The following PTPRD variants were observed in gnomAD, a reference collection of about 807,000 sequenced individuals.
The protein encoded by PTPRD is protein tyrosine phosphatase receptor type D.
PTPRD carries 34 observed loss-of-function variants against 214.5 expected under a neutral mutation model. The observed-to-expected ratio is 0.16, with a 90% confidence interval of 0.12 to 0.21. The LOEUF (loss-of-function observed/expected upper bound fraction) is 0.21. PTPRD is among the 10% of genes least tolerant of loss of function. The pLI, the probability that PTPRD is intolerant of heterozygous loss-of-function variation, is 1.00. For synonymous variants in PTPRD, 1,128 were observed against 845.7 expected (o/e 1.33, Z -5.79); for missense variants, 2,545 against 2,398.7 (o/e 1.06, Z -1.27).
intron 3 of PTPRD, among the ~76,000 whole-genome samples, chr9:10,052,680 C>G (rs1049427637): frequency 6.6e-6 from 1 of 152,100 alleles, no homozygotes; most frequent in Non-Finnish European, 1.5e-5. Context: ...GATCCAGGCT[C>G]AAACATGAGT....
In PTPRD at chr9:9,184,912, G is replaced by A. The variant is rs188064221; in HGVS notation, c.-202-1549C>T. Among the ~76,000 whole-genome samples the A allele has an allele frequency of 4.6e-5, 7 of 152,146 alleles. No individual in the cohort carries two copies. In the East Asian group the frequency reaches 1.4e-3, roughly 30 times the overall value. On this transcript the variant is annotated intron_variant, in intron 9 of 45. Transcript: ENST00000381196. ...GGGAACATAAGGCTTCATTTAGCACGGGTTCCAAAATATCCTTTGGTAAAT... is the reference window on the plus strand; with the variant it reads ...GGGAACATAAGGCTTCATTTAGCACAGGTTCCAAAATATCCTTTGGTAAAT...
chr9:8,378,756 A>G (rs1004093408), intron 37 of PTPRD, among the ~76,000 whole-genome samples: 1 of 152,128 alleles, frequency 6.6e-6, no homozygotes, highest in Non-Finnish European at 1.5e-5. Context: ...CAAATTCAAT[A>G]TAATTATATT....
At chr9:10,364,563 T>C (rs1400323254) in intron 2 of PTPRD, among the ~76,000 whole-genome samples, 2 of 152,198 alleles carry the variant, frequency 1.3e-5, no homozygotes, top group African/African-American at 4.8e-5. Context: ...TAGAAAAATA[T>C]ATTTGAAATT....
intron 6 of PTPRD, among the ~76,000 whole-genome samples, chr9:9,735,311 C>G (rs1449852450): frequency 6.6e-6 from 1 of 152,104 alleles, no homozygotes; most frequent in Non-Finnish European, 1.5e-5. Flanking sequence ...TATTGAACTT[C>G]TAACCATTAT....
At chr9:9,059,025 G>A (rs1393948076) in intron 10 of PTPRD, among the ~76,000 whole-genome samples, 2 of 152,054 alleles carry the variant, frequency 1.3e-5, no homozygotes, top group Non-Finnish European at 2.9e-5. Context: ...AACAGGGTAG[G>A]TCTTATACTT....
intron 39 of PTPRD, 60 bp from the exon 40 acceptor site, chr9:8,342,038 A>G: frequency 5.5e-6 from 8 of 1,455,120 alleles, no homozygotes; most frequent in Non-Finnish European, 7.3e-6. Flanking sequence ...AATACATAAT[A>G]AAAGTATTTT....
At chr9:10,594,172 C>T (rs922927922) in intron 2 of PTPRD, among the ~76,000 whole-genome samples, 2 of 151,958 alleles carry the variant, frequency 1.3e-5, no homozygotes, top group Admixed American at 1.3e-4. Flanking sequence ...ATTACATAAT[C>T]TACTTTACTA....
At chr9:9,978,507 G>A (rs760204843) in intron 4 of PTPRD, among the ~76,000 whole-genome samples, 3 of 151,686 alleles carry the variant, frequency 2.0e-5, no homozygotes, top group Admixed American at 6.6e-5. Context: ...ACTGAAACAC[G>A]GAAATAAATG....
intron 8 of PTPRD, among the ~76,000 whole-genome samples, chr9:9,441,027 G>C (rs1454135894): frequency 6.6e-6 from 1 of 152,192 alleles, no homozygotes; most frequent in African/African-American, 2.4e-5. Flanking sequence ...TGTCCTGTGA[G>C]ACTTCCCCTC....
chr9:9,403,952 G>A (rs1375370253), intron 8 of PTPRD, among the ~76,000 whole-genome samples: 1 of 152,054 alleles, frequency 6.6e-6, no homozygotes, highest in African/African-American at 2.4e-5. Context: ...GGATGGGCAG[G>A]CCTGAGCAAC....
rs911822939 is a variant in PTPRD at position 8,609,519 on chromosome 9, T to C, written c.352+23798A>G. Among the ~76,000 whole-genome samples, 2 of 152,218 alleles carry C rather than the reference T, an allele frequency of 1.3e-5. 1 individual carries two copies. The highest frequency in any genetic ancestry group is 2.9e-5 in the Non-Finnish European group (2 of 68,038). On this transcript the variant is annotated intron_variant, in intron 14 of 45. Transcript: ENST00000381196. ...TATGTAACTGGATGCCTGAATCAGG[T>C]GGATGTGCATTCCACGGAAGCTTGT... is the stretch of plus-strand genomic sequence containing the variant.
intron 11 of PTPRD, among the ~76,000 whole-genome samples, chr9:8,852,204 G>C (rs1008484600): frequency 1.3e-5 from 2 of 152,136 alleles, no homozygotes; most frequent in Admixed American, 1.3e-4. Flanking sequence ...TCTCAATTTA[G>C]TTAGCTACTG....
At chr9:10,015,125 T>C (rs1286357438) in intron 4 of PTPRD, among the ~76,000 whole-genome samples, 2 of 152,162 alleles carry the variant, frequency 1.3e-5, no homozygotes, top group African/African-American at 4.8e-5. Context: ...TTTACTTTTA[T>C]GGCTTTCAGT....
intron 3 of PTPRD, among the ~76,000 whole-genome samples, chr9:10,119,692 G>C (rs1227944045): frequency 1.3e-5 from 2 of 151,950 alleles, no homozygotes; most frequent in African/African-American, 4.8e-5. Flanking sequence ...TTTAAAAGTA[G>C]ATGCAAAACT....
intron 9 of PTPRD, among the ~76,000 whole-genome samples, chr9:9,383,132 C>T (rs1474807813): frequency 6.6e-6 from 1 of 151,844 alleles, no homozygotes; most frequent in Non-Finnish European, 1.5e-5. Context: ...TTTATGAAAT[C>T]CTACCATTTT....
intron 9 of PTPRD, among the ~76,000 whole-genome samples, chr9:9,378,188 C>G (rs941517299): frequency 4.6e-5 from 7 of 152,066 alleles, no homozygotes; most frequent in Non-Finnish European, 8.8e-5. Flanking sequence ...TATGCCCCAC[C>G]TAATCCACAC....
At chr9:8,831,057 G>A (rs570544686) in intron 11 of PTPRD, among the ~76,000 whole-genome samples, 1 of 152,084 alleles carries the variant, frequency 6.6e-6, no homozygotes, top group Non-Finnish European at 1.5e-5. Context: ...GAAAATCTGT[G>A]GACTTAGAAG....
intron 5 of PTPRD, among the ~76,000 whole-genome samples, chr9:9,906,468 G>A (rs776193155): frequency 6.6e-6 from 1 of 151,828 alleles, no homozygotes; most frequent in Non-Finnish European, 1.5e-5. Flanking sequence ...GTAATCAGTA[G>A]GCAACTGGTT....
rs538182504 is a variant in PTPRD at position 8,915,654 on chromosome 9, A to T, written c.-104+103043T>A. 1.5e-3 allele frequency among the ~76,000 whole-genome samples: 233 copies of T among 152,302 alleles called. 1 individual carries two copies. The highest frequency in any genetic ancestry group is 3.8e-3 in the Admixed American group (58 of 15,298). ...TAGCCTGAATGTCAGCAGGATTGAGACCAAGGAAGAGATGATGTTTCAACT... is the reference window on the plus strand; with the variant it reads ...TAGCCTGAATGTCAGCAGGATTGAGTCCAAGGAAGAGATGATGTTTCAACT... On this transcript the variant is annotated intron_variant, in intron 11 of 45. Transcript: ENST00000381196.
Sources: allele counts gnomAD v4.1 joint callset (sites outside exome capture counted in the v4.1 genomes callset), GRCh38; gene constraint gnomAD v4.1.1; transcripts MANE v1.5; gene names NCBI Gene and HGNC (gene_info 2026-07-23, HGNC 2026-07-21).